SLC9A9: variants seen among roughly 807,000 people sequenced by gnomAD.
SLC9A9 encodes the protein sodium/hydrogen exchanger 9.
In SLC9A9, 62 loss-of-function variants were observed where a neutral mutation model predicts 77.8. That is an observed-to-expected ratio of 0.80 (90% CI 0.65 to 0.98). The LOEUF is 0.98. Ranked by LOEUF, SLC9A9 falls within the 50% of genes least tolerant of loss-of-function variation. The probability of loss-of-function intolerance (pLI) is 0.00; values close to 1 mark genes in which losing one functional copy is unlikely to be tolerated. For synonymous variants in SLC9A9, 320 were observed against 283.5 expected (o/e 1.13, Z -1.29); for missense variants, 775 against 774.9 (o/e 1.00, Z 0.00).
At chr3:143,468,991 C>T (rs567720904) in intron 11 of SLC9A9, among the ~76,000 whole-genome samples, 205 of 152,268 alleles carry the variant, frequency 1.3e-3, no homozygotes, top group Admixed American at 2.9e-3. Context: ...GAAACCCCAT[C>T]TCTACTAAAA....
intron 12 of SLC9A9, among the ~76,000 whole-genome samples, chr3:143,402,528 A>G (rs546093162): frequency 7.6e-6 from 1 of 131,060 alleles, no homozygotes; most frequent in Admixed American, 8.7e-5. Flanking sequence ...TGCTTCATGT[A>G]TCCTGGGACC....
At chr3:143,411,437 G>A (rs926535072) in intron 12 of SLC9A9, among the ~76,000 whole-genome samples, 1 of 152,144 alleles carries the variant, frequency 6.6e-6, no homozygotes, top group African/African-American at 2.4e-5. Flanking sequence ...TAGATCCTCT[G>A]AATTTGTTCT....
chr3:143,727,682 T>C (rs377185698), intron 4 of SLC9A9, among the ~76,000 whole-genome samples: 1 of 152,186 alleles, frequency 6.6e-6, no homozygotes, highest in African/African-American at 2.4e-5. Context: ...GGCTTCAAGT[T>C]TGAATAGCAA....
chr3:143,842,267 A>G (rs184048446), intron 1 of SLC9A9, among the ~76,000 whole-genome samples: 4 of 152,142 alleles, frequency 2.6e-5, no homozygotes, highest in East Asian at 2.0e-4. Context: ...TGTAGTCCCA[A>G]CTACTCAGGA....
chr3:143,452,503 TAAA>T (rs58038873), intron 12 of SLC9A9, among the ~76,000 whole-genome samples: 109 of 108,850 alleles, frequency 1.0e-3, no homozygotes, highest in African/African-American at 2.6e-3. Context: ...TTAAAAAGAC[TAAA>T]AAAAAAAAAA....
chr3:143,381,942 A>G lies in SLC9A9; in HGVS notation c.1524+118T>C. The G allele has an allele frequency of 2.6e-6, 3 of 1,155,426 alleles. No homozygotes were observed. In the South Asian group the frequency reaches 3.7e-5, roughly 14 times the overall value. 71.6% of individuals were successfully genotyped at this position (1,155,426 alleles called of 1,614,324 possible). ...TTATTGTAATCTCATTTGTTTTATC[A>G]GCAGAGGAAGCTCCGTTTAGAAATA... On this transcript the variant is annotated intron_variant, in intron 13 of 15. Coordinates refer to ENST00000316549, the MANE Select transcript of SLC9A9 (RefSeq NM_173653.4).
intron 14 of SLC9A9, among the ~76,000 whole-genome samples, chr3:143,350,548 A>G (rs570418879): frequency 1.3e-5 from 2 of 152,252 alleles, no homozygotes; most frequent in East Asian, 3.9e-4. Context: ...ACACACAATA[A>G]TTTTCCACAT....
At chr3:143,335,241 G>A (rs2031888480) in intron 14 of SLC9A9, among the ~76,000 whole-genome samples, 1 of 152,132 alleles carries the variant, frequency 6.6e-6, no homozygotes, top group African/African-American at 2.4e-5. Flanking sequence ...ACATAACCAA[G>A]GAGGAGACTT....
chr3:143,379,869 T>C (rs1475330961), intron 13 of SLC9A9, among the ~76,000 whole-genome samples: 2 of 152,242 alleles, frequency 1.3e-5, no homozygotes, highest in Non-Finnish European at 1.5e-5. Context: ...TGGTTTTGAC[T>C]ATCTGCTCTT....
At chr3:143,586,251 T>A (rs16853866) in intron 6 of SLC9A9, among the ~76,000 whole-genome samples, 3 of 152,168 alleles carry the variant, frequency 2.0e-5, no homozygotes, top group Admixed American at 2.0e-4. Flanking sequence ...CTCTTTTTAG[T>A]ATGAAACCAT....
chr3:143,482,576 C>G (rs1252301024), intron 11 of SLC9A9, among the ~76,000 whole-genome samples: 2 of 152,232 alleles, frequency 1.3e-5, no homozygotes, highest in African/African-American at 2.4e-5. Context: ...CTCAGCAGCT[C>G]TGCACCCTGG....
intron 4 of SLC9A9, among the ~76,000 whole-genome samples, chr3:143,747,999 A>G (rs73154722): frequency 0.055 from 8,305 of 152,204 alleles, 259 homozygotes; most frequent in African/African-American, 0.069. Flanking sequence ...TGTCTCCACG[A>G]ACCCCTTTCC....
At chr3:143,297,294 G>A (rs2030312903) in intron 14 of SLC9A9, among the ~76,000 whole-genome samples, 1 of 152,132 alleles carries the variant, frequency 6.6e-6, no homozygotes. Context: ...TGTGGGTTTT[G>A]GCACAATTGT....
chr3:143,322,141 G>A (rs974055554), intron 14 of SLC9A9, among the ~76,000 whole-genome samples: 1 of 152,100 alleles, frequency 6.6e-6, no homozygotes, highest in Non-Finnish European at 1.5e-5. Context: ...TTAATCTTAT[G>A]TATTAACTTG....
intron 8 of SLC9A9, among the ~76,000 whole-genome samples, chr3:143,553,273 C>A (rs1003651981): frequency 6.6e-6 from 1 of 151,872 alleles, no homozygotes; most frequent in African/African-American, 2.4e-5. Context: ...TGTCCCTGGG[C>A]TCTGTTATTC....
intron 8 of SLC9A9, among the ~76,000 whole-genome samples, chr3:143,564,832 G>A (rs758726371): frequency 4.6e-5 from 7 of 152,098 alleles, no homozygotes; most frequent in Non-Finnish European, 8.8e-5. Flanking sequence ...AATCTATGTT[G>A]CCAGGTTTAG....
At chr3:143,564,233 A>G (rs1293394459) in intron 8 of SLC9A9, among the ~76,000 whole-genome samples, 1 of 152,136 alleles carries the variant, frequency 6.6e-6, no homozygotes, top group African/African-American at 2.4e-5. Flanking sequence ...TGATAACATT[A>G]CTCCAGAATT....
intron 4 of SLC9A9, among the ~76,000 whole-genome samples, chr3:143,693,991 C>T (rs1455204319): frequency 1.3e-5 from 2 of 152,110 alleles, no homozygotes; most frequent in Non-Finnish European, 2.9e-5. Context: ...CATTTGCCAA[C>T]CTATAGCTTT....
intron 6 of SLC9A9, among the ~76,000 whole-genome samples, chr3:143,642,648 A>G (rs2038641972): frequency 6.6e-6 from 1 of 152,132 alleles, no homozygotes; most frequent in African/African-American, 2.4e-5. Context: ...CCACAATTCA[A>G]TTCTCTTTAG....
Sources: gnomAD v4.1 joint callset for allele counts (sites outside exome capture counted in the v4.1 genomes callset) on GRCh38, gnomAD v4.1.1 for gene constraint, MANE v1.5 for transcripts, NCBI Gene and HGNC (gene_info 2026-07-23, HGNC 2026-07-21) for gene names.